NR3C2: variants seen among roughly 807,000 people sequenced by gnomAD.
NR3C2 encodes the protein nuclear receptor subfamily 3 group C member 2, also known as mineralocorticoid receptor.
In NR3C2, 15 loss-of-function variants were observed where a neutral mutation model predicts 86.4. The ratio of observed to expected loss-of-function variants is 0.17; its 90% CI spans 0.12 to 0.27. The LOEUF (loss-of-function observed/expected upper bound fraction) is 0.27, where lower values mean the gene tolerates loss of function less well. NR3C2 is among the 10% of genes least tolerant of loss of function. The probability of loss-of-function intolerance (pLI) is 1.00; values close to 1 mark genes in which losing one functional copy is unlikely to be tolerated. For missense variants in NR3C2, 960 were observed against 1,195.6 expected (o/e 0.80, Z 2.91); for synonymous variants, 458 against 450.5 (o/e 1.02, Z -0.21).
chr4:148,361,212 A>G (rs1477469676), intron 2 of NR3C2, among the ~76,000 whole-genome samples: 1 of 152,234 alleles, frequency 6.6e-6, no homozygotes, highest in East Asian at 1.9e-4. Flanking sequence ...ATTTTAAATA[A>G]AAATAGAGAA....
chr4:148,304,908 T>TC (rs1450235058), intron 2 of NR3C2, among the ~76,000 whole-genome samples: 14 of 150,246 alleles, frequency 9.3e-5, no homozygotes, highest in East Asian at 2.0e-4. Context: ...TTTTTTTTTT[T>TC]TCCTGAGAGA....
chr4:148,150,315 C>T (rs757109308), intron 6 of NR3C2, among the ~76,000 whole-genome samples: 1 of 152,138 alleles, frequency 6.6e-6, no homozygotes, highest in South Asian at 2.1e-4. Flanking sequence ...AATTTTGTTT[C>T]GTGTGTATTT....
intron 2 of NR3C2, among the ~76,000 whole-genome samples, chr4:148,264,194 A>T (rs1247137630): frequency 6.6e-6 from 1 of 152,214 alleles, no homozygotes; most frequent in African/African-American, 2.4e-5. Context: ...TCTTGCAAAC[A>T]TATGCATTAT....
intron 2 of NR3C2, among the ~76,000 whole-genome samples, chr4:148,397,614 C>T (rs886141479): frequency 6.6e-6 from 1 of 152,124 alleles, no homozygotes; most frequent in Non-Finnish European, 1.5e-5. Flanking sequence ...ATTAACAATT[C>T]TAATACAAAA....
chr4:148,423,202 A>AC (rs1007882262), intron 2 of NR3C2, among the ~76,000 whole-genome samples: 2 of 145,488 alleles, frequency 1.4e-5, no homozygotes. Context: ...TAACCTTTCT[A>AC]CCCCCTTTTA....
At chr4:148,352,695 C>T (rs183110618) in intron 2 of NR3C2, among the ~76,000 whole-genome samples, 1 of 152,126 alleles carries the variant, frequency 6.6e-6, no homozygotes, top group East Asian at 1.9e-4. Flanking sequence ...ACAATGAAAC[C>T]CAGTAGAGAG....
At chr4:148,390,692 T>A (rs1747501061) in intron 2 of NR3C2, among the ~76,000 whole-genome samples, 2 of 152,198 alleles carry the variant, frequency 1.3e-5, no homozygotes, top group African/African-American at 4.8e-5. Flanking sequence ...GGTTGATTTG[T>A]TGCATAAAAT....
intron 2 of NR3C2, among the ~76,000 whole-genome samples, chr4:148,343,231 G>T (rs915355126): frequency 2.0e-5 from 3 of 152,140 alleles, no homozygotes; most frequent in African/African-American, 7.2e-5. Context: ...ATGATCAGGT[G>T]TAACTTAGCT....
At chr4:148,220,757 C>T in intron 3 of NR3C2, among the ~76,000 whole-genome samples, 1 of 152,314 alleles carries the variant, frequency 6.6e-6, no homozygotes, top group East Asian at 1.9e-4. Context: ...GATTGTGCCA[C>T]TGCACTCCAG....
chr4:148,166,083 G>T (rs997277839), intron 4 of NR3C2, among the ~76,000 whole-genome samples: 1 of 152,100 alleles, frequency 6.6e-6, no homozygotes, highest in East Asian at 1.9e-4. Context: ...TCTAAATTAA[G>T]AATTAATAGT....
intron 4 of NR3C2, among the ~76,000 whole-genome samples, chr4:148,171,893 G>C (rs967798040): frequency 3.9e-5 from 6 of 152,044 alleles, no homozygotes; most frequent in African/African-American, 1.4e-4. Flanking sequence ...GAAGTTCCTG[G>C]GAAGACAGGT....
chr4:148,424,110 A>T (rs116265571), intron 2 of NR3C2, among the ~76,000 whole-genome samples: 3 of 152,260 alleles, frequency 2.0e-5, no homozygotes, highest in Non-Finnish European at 4.4e-5. Context: ...ACTCAAAAAG[A>T]TGAAAAACAC....
At chr4:148,394,439 G>A (rs1283189732) in intron 2 of NR3C2, among the ~76,000 whole-genome samples, 1 of 151,728 alleles carries the variant, frequency 6.6e-6, no homozygotes, top group Non-Finnish European at 1.5e-5. Context: ...CAGGACTTTG[G>A]GAGGCTGAGG....
chr4:148,157,655 G>T (rs1292495721), intron 4 of NR3C2, among the ~76,000 whole-genome samples: 9 of 152,060 alleles, frequency 5.9e-5, no homozygotes. Flanking sequence ...GCACCAAACT[G>T]AGCTTAGGTA....
intron 6 of NR3C2, among the ~76,000 whole-genome samples, chr4:148,151,531 TG>T (rs1480206021): frequency 3.3e-5 from 5 of 152,214 alleles, no homozygotes; most frequent in African/African-American, 1.2e-4. Flanking sequence ...GGAATAAAAT[TG>T]TCTTTGCAGT....
intron 2 of NR3C2, among the ~76,000 whole-genome samples, chr4:148,352,020 TTAAA>T (rs1281631016): frequency 6.6e-6 from 1 of 152,214 alleles, no homozygotes; most frequent in Non-Finnish European, 1.5e-5. Context: ...AATATTATTC[TTAAA>T]TAACCAATGG....
chr4:148,349,053 C>T lies in NR3C2; in HGVS notation c.1757+86051G>A, dbSNP rs533303068. Among the ~76,000 whole-genome samples the T allele has an allele frequency of 5.9e-4, 89 of 152,136 alleles. 2 individuals are homozygous for T. The South Asian group carries it at 0.017, about 29-fold the overall frequency. On this transcript the variant is annotated intron_variant, in intron 2 of 8. Transcript: ENST00000358102. ...AAATAACTCAAGAAAGAAAATGAAA[C>T]GATCATTAGACAGTTTTTTCATTAT... is the stretch of plus-strand genomic sequence containing the variant.
intron 5 of NR3C2, 71 bp from the exon 6 acceptor site, chr4:148,152,684 A>T: frequency 6.8e-7 from 1 of 1,473,036 alleles, no homozygotes; most frequent in Non-Finnish European, 9.5e-7. Flanking sequence ...ATGCTTCTTA[A>T]GTCAACCCCA....
chr4:148,441,625 G>T (rs535722964), intron 1 of NR3C2, among the ~76,000 whole-genome samples: 1 of 152,282 alleles, frequency 6.6e-6, no homozygotes, highest in African/African-American at 2.4e-5. Context: ...CTTCTCCCTT[G>T]CCCTTAAAAT....
Sources: allele counts gnomAD v4.1 joint callset (sites outside exome capture counted in the v4.1 genomes callset), GRCh38; gene constraint gnomAD v4.1.1; transcripts MANE v1.5; gene names NCBI Gene and HGNC (gene_info 2026-07-23, HGNC 2026-07-21).